TM2D3: variants seen among roughly 807,000 people sequenced by gnomAD.
TM2D3 encodes the protein TM2 domain-containing protein 3.
Under a neutral mutation model 27.3 loss-of-function variants are expected in TM2D3, and 33 were observed. That is an observed-to-expected ratio of 1.21 (90% confidence interval 0.92 to 1.61). TM2D3 has a LOEUF of 1.61. TM2D3 is among the 40% of genes most tolerant of loss of function. TM2D3 has a pLI of 0.00. For synonymous variants in TM2D3, 138 were observed against 122.2 expected (o/e 1.13, Z -0.85); for missense variants, 364 against 320.8 (o/e 1.13, Z -1.03).
chr15:101,644,068 A>C (rs1567311486), intron 5 of TM2D3, among the ~76,000 whole-genome samples: 1 of 151,510 alleles, frequency 6.6e-6, no homozygotes, highest in Non-Finnish European at 1.5e-5. Flanking sequence ...CTGGTCTTGA[A>C]CTCCTGACCT....
intron 4 of TM2D3, chr15:101,634,097 A>G (rs892602034): frequency 1.8e-5 from 3 of 165,418 alleles, no homozygotes; most frequent in Non-Finnish European, 3.9e-5. Context: ...AAGAGATGAT[A>G]GAGGAACGAA....
downstream of TM2D3, among the ~76,000 whole-genome samples, chr15:101,638,970 G>T (rs1896609387): frequency 6.6e-6 from 1 of 152,138 alleles, no homozygotes; most frequent in Non-Finnish European, 1.5e-5. Flanking sequence ...TGGCCGGCAG[G>T]GCTCTCAGAG....
intron 3 of TM2D3, among the ~76,000 whole-genome samples, chr15:101,647,790 TG>T (rs1409415046): frequency 6.6e-6 from 1 of 152,190 alleles, no homozygotes; most frequent in Non-Finnish European, 1.5e-5. Context: ...TTACTCTACC[TG>T]ACATTACATT....
At chr15:101,642,769 G>C (rs1896701767) in intron 5 of TM2D3, 125 bp from the exon 6 acceptor site, 3 of 644,538 alleles carry the variant, frequency 4.7e-6, no homozygotes, top group Admixed American at 4.1e-5. Context: ...CCCTTAACTG[G>C]AACACAAGTG....
intron 4 of TM2D3, chr15:101,646,515 T>G (rs1896814261): frequency 3.6e-6 from 2 of 560,310 alleles, no homozygotes; most frequent in Non-Finnish European, 6.3e-6. Flanking sequence ...TTTTTCTTAT[T>G]TTATCAAATA....
rs1359574499 is a variant in TM2D3 at position 101,642,152 on chromosome 15, G to C, written c.*327C>G. ...GACTTTTCAAGGCAGACTACATTTG[G>C]GCTGGAGATACAAGTGATGTAGTTT... is the stretch of plus-strand genomic sequence containing the variant. On this transcript the variant is annotated 3_prime_UTR_variant, in exon 6 of 6. Coordinates refer to ENST00000333202, the MANE Select transcript of TM2D3 (RefSeq NM_078474.3). 1 of 1,011,888 alleles carries C rather than the reference G, an allele frequency of 9.9e-7. No individual in the cohort carries two copies. Among genetic ancestry groups the C allele is most frequent in the African/African-American group, 1.7e-5 (1 of 58,228 alleles). The allele number at this position is 1,011,888 out of a possible 1,614,324, so 62.7% of individuals were successfully genotyped here. A position where few individuals can be genotyped will look rare whatever the true frequency, so the allele number is the denominator to read the frequency against.
intron 4 of TM2D3, chr15:101,646,301 A>T: frequency 5.4e-6 from 1 of 184,836 alleles, no homozygotes; most frequent in Non-Finnish European, 1.2e-5. Context: ...ATTTTATTAC[A>T]TATAGACAAT....
chr15:101,651,611 T>C (rs1468440006), intron 2 of TM2D3, 85 bp downstream of exon 2: 1 of 1,322,880 alleles, frequency 7.6e-7, no homozygotes, highest in Non-Finnish European at 1.1e-6. Context: ...AGTGACTTCG[T>C]ATACTAAAGG....
Position 101,649,944 on chromosome 15 carries a change from G to A in TM2D3, c.327+60C>T. The A allele has an allele frequency of 5.4e-6, 8 of 1,482,922 alleles. 1 individual carries two copies. The highest frequency in any genetic ancestry group is 4.8e-5 in the South Asian group (4 of 83,104). The allele number at this position is 1,482,922 out of a possible 1,614,324, so 91.9% of individuals were successfully genotyped here. A position where few individuals can be genotyped will look rare whatever the true frequency, so the allele number is the denominator to read the frequency against. On this transcript the variant is annotated intron_variant, in intron 3 of 5. Coordinates refer to ENST00000333202, the MANE Select transcript of TM2D3 (RefSeq NM_078474.3). ...TCTTCCCAATAATCAAGTCTGAATT[G>A]TTCTTCTAACTTAAAGTTTACAATG...
At chr15:101,643,624 C>CAAAAAAA (rs978182591) in intron 5 of TM2D3, among the ~76,000 whole-genome samples, 1 of 96,326 alleles carries the variant, frequency 1.0e-5, no homozygotes. Flanking sequence ...AAAAAAAAAG[C>CAAAAAAA]AAAAAAAAAA....
chr15:101,641,990 C>T lies in TM2D3; in HGVS notation c.*489G>A. 4.1e-6 allele frequency: 4 copies of T among 985,780 alleles called. No individual in the cohort carries two copies. Among genetic ancestry groups the T allele is most frequent in the Non-Finnish European group, 4.8e-6 (4 of 830,060 alleles). The allele number at this position is 985,780 out of a possible 1,614,324, so 61.1% of individuals were successfully genotyped here. On this transcript the variant is annotated 3_prime_UTR_variant, in exon 6 of 6. Transcript: ENST00000333202. ...TACAGACCAGACTACATATGTATTACACTGCAAAACTTACACATGACTGAA... is the reference window on the plus strand; with the variant it reads ...TACAGACCAGACTACATATGTATTATACTGCAAAACTTACACATGACTGAA...
chr15:101,642,868 A>G (rs1379935958), intron 5 of TM2D3, among the ~76,000 whole-genome samples: 1 of 152,176 alleles, frequency 6.6e-6, no homozygotes, highest in Non-Finnish European at 1.5e-5. Flanking sequence ...TAGCTGTACT[A>G]AAAAACCAAT....
rs111480996 is a variant in TM2D3, at chr15:101,643,889, A to G, written c.578+1198T>C. ...TTTTGAGACAGAATCTCACTCTGTCACTGAGGCTGGAGTGCAGTGGTGCAA... is the reference window on the plus strand; with the variant it reads ...TTTTGAGACAGAATCTCACTCTGTCGCTGAGGCTGGAGTGCAGTGGTGCAA... On this transcript the variant is annotated intron_variant, in intron 5 of 5. Coordinates refer to ENST00000333202, the MANE Select transcript of TM2D3 (RefSeq NM_078474.3). Among the ~76,000 whole-genome samples, 7 of 152,042 alleles carry G rather than the reference A, an allele frequency of 4.6e-5. No individual in the cohort carries two copies. The East Asian group carries it at 1.2e-3, about 25-fold the overall frequency.
intron 3 of TM2D3, among the ~76,000 whole-genome samples, chr15:101,647,248 G>A (rs2141366598): frequency 6.6e-6 from 1 of 152,316 alleles, no homozygotes; most frequent in South Asian, 2.1e-4. Flanking sequence ...GCAGAAAAGA[G>A]GAAAATTTAT....
intron 5 of TM2D3, among the ~76,000 whole-genome samples, chr15:101,643,604 AAAAAAAAAAAAAAAAAAAGC>A (rs1365452718): frequency 7.7e-6 from 1 of 129,064 alleles, no homozygotes; most frequent in Non-Finnish European, 1.7e-5. Flanking sequence ...TCCGTTAAAA[AAAAAAAAAAAAAAAAAAAGC>A]AAAAAAAAAA....
intron 4 of TM2D3, chr15:101,634,952 G>A (rs181173011): frequency 8.5e-5 from 13 of 152,220 alleles, no homozygotes; most frequent in African/African-American, 2.9e-4. Context: ...TGAGCCCAAG[G>A]GTTCAAGACA....
chr15:101,646,397 G>A (rs1896805821), intron 4 of TM2D3: 2 of 310,244 alleles, frequency 6.4e-6, no homozygotes, highest in African/African-American at 2.2e-5. Context: ...GCAACCAGGT[G>A]AAGGCAAGCA....
intron 2 of TM2D3, 60 bp from the exon 3 acceptor site, chr15:101,650,221 A>G (rs939940995): frequency 6.5e-7 from 1 of 1,537,896 alleles, no homozygotes; most frequent in Admixed American, 1.9e-5. Flanking sequence ...AACAGAGAAC[A>G]ATCTTCTAAG....
downstream of TM2D3, chr15:101,637,023 C>T (rs1477033356): frequency 7.8e-6 from 2 of 257,046 alleles, no homozygotes; most frequent in Admixed American, 4.9e-5. Context: ...CCGGTGTGGT[C>T]CGGCTACAGC....
Sources: gnomAD v4.1 joint callset for allele counts (sites outside exome capture counted in the v4.1 genomes callset) on GRCh38, gnomAD v4.1.1 for gene constraint, MANE v1.5 for transcripts, NCBI Gene and HGNC (gene_info 2026-07-23, HGNC 2026-07-21) for gene names.